The following BMP1 variants were observed in gnomAD, a reference collection of about 807,000 sequenced individuals.
BMP1 encodes bone morphogenetic protein 1, also known as mammalian tolloid protein.
In BMP1, 63 loss-of-function variants were observed where a neutral mutation model predicts 116.8. That is an observed-to-expected ratio of 0.54 (90% CI 0.44 to 0.67). The LOEUF is 0.67. Ranked by LOEUF, BMP1 falls within the 30% of genes least tolerant of loss-of-function variation. The pLI, the probability that BMP1 is intolerant of heterozygous loss-of-function variation, is 0.00. For synonymous variants in BMP1, 536 were observed against 533.4 expected (o/e 1.00, Z -0.07); for missense variants, 1,183 against 1,358.9 (o/e 0.87, Z 2.04).
chr8:22,194,425 C>A lies in BMP1; in HGVS notation c.1298-20C>A, dbSNP rs1434812502. 1.9e-6 allele frequency: 3 copies of A among 1,613,560 alleles called. No homozygotes were observed. In the African/African-American group the frequency reaches 4.0e-5, roughly 22 times the overall value. ...ATGCTGACTCACCACCCCTTCCCAC[C>A]CCATCCTGTGTCCCCACAGCCATCT... On this transcript the variant is annotated intron_variant, in intron 10 of 19. Coordinates refer to ENST00000306385, the MANE Select transcript of BMP1 (RefSeq NM_006129.5). The surrounding 1 kb of genome is among the most constrained non-coding windows in gnomAD (Gnocchi z 4.5).
chr8:22,165,878 C>CGTGGGTGTGTGTGTGTGTGTGT (rs1432185239), intron 1 of BMP1, among the ~76,000 whole-genome samples: 20 of 67,710 alleles, frequency 3.0e-4, no homozygotes, highest in African/African-American at 8.5e-4. Context: ...AACTCCTGTG[C>CGTGGGTGTGTGTGTGTGTGTGT]GTGCGTGTGT....
In BMP1 at chr8:22,195,588, G is replaced by T. The variant is rs757046870; in HGVS notation, c.1765+1G>T. On this transcript the variant is annotated splice_donor_variant, in intron 13 of 19. Transcript: ENST00000306385. LOFTEE classifies it high-confidence loss of function. ...GCCCCAGACAAGCGCCGCTGTGAGGGTGAGTGCCCCCAGACTGCCTCTGAC... is the reference window on the plus strand; with the variant it reads ...GCCCCAGACAAGCGCCGCTGTGAGGTTGAGTGCCCCCAGACTGCCTCTGAC... 2 of 1,611,682 alleles carry T rather than the reference G, an allele frequency of 1.2e-6. No individual in the cohort carries two copies. The highest frequency in any genetic ancestry group is 1.7e-6 in the Non-Finnish European group (2 of 1,179,524).
At position 22,192,093 on chromosome 8, in the gene BMP1, G is replaced by T. The variant is rs1563261526; in HGVS notation, c.1122G>T (p.Leu374=). 6.2e-7 allele frequency: 1 copy of T among 1,613,910 alleles called. No homozygotes were observed. Among genetic ancestry groups the T allele is most frequent in the Non-Finnish European group, 8.5e-7 (1 of 1,179,926 alleles). Reference sequence around the variant, plus strand: ...CCCTGGACCTGTACCGCAGCCGCCTGTGCTGGTACGACTATGTGGAGGTCC... The same window carrying T: ...CCCTGGACCTGTACCGCAGCCGCCTTTGCTGGTACGACTATGTGGAGGTCC... ...FTSLDLYRSR[L]CWYDYVEVRD... Residue 374 remains leucine (L), a synonymous_variant, in exon 9 of 20, where the codon CTG becomes CTT. Coordinates refer to ENST00000306385, the MANE Select transcript of BMP1 (RefSeq NM_006129.5).
chr8:22,176,729 C>A, intron 4 of BMP1, 79 bp downstream of exon 4: 2 of 1,447,342 alleles, frequency 1.4e-6, no homozygotes, highest in Non-Finnish European at 1.9e-6. Context: ...CCACTGCCCC[C>A]AGCTGGGCAC....
At chr8:22,201,261 G>A (rs1829255584) in intron 15 of BMP1, 1 of 1,564,536 alleles carries the variant, frequency 6.4e-7, no homozygotes. Context: ...GGACGGAATG[G>A]GATGGGGGCT....
At chr8:22,206,307 G>A (rs562809035) in intron 16 of BMP1, among the ~76,000 whole-genome samples, 3 of 151,618 alleles carry the variant, frequency 2.0e-5, no homozygotes, top group Admixed American at 2.0e-4. Context: ...TTTGAGACTA[G>A]CCTGGCCAAC....
chr8:22,193,116 G>A (rs1471433998), intron 9 of BMP1, among the ~76,000 whole-genome samples: 3 of 152,150 alleles, frequency 2.0e-5, no homozygotes, highest in African/African-American at 7.2e-5. Context: ...GGGAAACACC[G>A]GCCTTATTAG....
chr8:22,192,775 A>G (rs1353586504), intron 9 of BMP1, among the ~76,000 whole-genome samples: 2 of 152,122 alleles, frequency 1.3e-5, no homozygotes, highest in African/African-American at 4.8e-5. Flanking sequence ...AATTAGGGCA[A>G]AGGGAGGCAG....
At chr8:22,199,918 C>T (rs1378717836) in intron 15 of BMP1, among the ~76,000 whole-genome samples, 1 of 152,170 alleles carries the variant, frequency 6.6e-6, no homozygotes, top group Admixed American at 6.5e-5. Flanking sequence ...CTACCTGATC[C>T]TGGGTTGGAG....
chr8:22,196,919 T>G lies in BMP1; in HGVS notation c.1926+79T>G, dbSNP rs1829109795. On this transcript the variant is annotated intron_variant, in intron 14 of 19. Coordinates refer to ENST00000306385, the MANE Select transcript of BMP1 (RefSeq NM_006129.5). ...TCAGCTCAGTGCCTGCTTCCTGTCC[T>G]CTGAGAGGGGGCCCGGCAGAAACAC... is the stretch of plus-strand genomic sequence containing the variant. The G allele has an allele frequency of 2.0e-6, 3 of 1,487,528 alleles. No homozygotes were observed. The East Asian group carries it at 7.0e-5, about 35-fold the overall frequency. 92.1% of individuals were successfully genotyped at this position (1,487,528 alleles called of 1,614,324 possible).
At position 22,209,677 on chromosome 8, in the gene BMP1, G is replaced by A. The variant is rs961786932; in HGVS notation, c.2808G>A (p.Gly936=). ...ACGACAGCACAGCCCCCAGGCTGGG[G>A]CGCTACTGTGGCTCAGGGGTGAGGC... ...DGYDSTAPRL[G]RYCGSGPPEE... is the part of the protein sequence containing the mutation. Residue 936 remains glycine, a synonymous_variant, in exon 19 of 20, where the codon GGG becomes GGA. Coordinates refer to ENST00000306385, the MANE Select transcript of BMP1 (RefSeq NM_006129.5). The A allele has an allele frequency of 3.7e-6, 6 of 1,613,636 alleles. No individual in the cohort carries two copies. In the Admixed American group the frequency reaches 5.0e-5, roughly 13 times the overall value.
At chr8:22,192,345 G>A in intron 9 of BMP1, 194 bp downstream of exon 9, 3 of 524,512 alleles carry the variant, frequency 5.7e-6, no homozygotes, top group Non-Finnish European at 6.9e-6. Context: ...GGCAAGTCCT[G>A]TCCTCAATCT....
Position 22,207,426 on chromosome 8 carries a change from C to A in BMP1, c.2485C>A (p.Pro829Thr), listed in dbSNP as rs777738785. The change falls in exon 18 of 20, where the codon CCC becomes ACC. Residue 829 changes from proline (P) to threonine (T), a missense_variant. Coordinates refer to ENST00000306385, the MANE Select transcript of BMP1 (RefSeq NM_006129.5). ...GRFCGSKKPEPVLATGSRMFL... is the reference protein window; with the variant it reads ...GRFCGSKKPETVLATGSRMFL... ...CTTCTGTGGGAGCAAGAAGCCCGAG[C>A]CCGTCCTGGCCACAGGCAGCCGCAT... The A allele has an allele frequency of 1.5e-5, 25 of 1,614,094 alleles. No individual in the cohort carries two copies. The highest frequency in any genetic ancestry group is 1.2e-4 in the South Asian group (11 of 91,078).
intron 19 of BMP1, 132 bp downstream of exon 19, chr8:22,209,827 CCT>C: frequency 1.0e-6 from 1 of 1,003,828 alleles, no homozygotes; most frequent in Non-Finnish European, 1.4e-6. Context: ...CGCGTGTGGC[CCT>C]GTGTGGGAGC....
At chr8:22,177,334 T>A (rs994036965) in intron 5 of BMP1, among the ~76,000 whole-genome samples, 195 bp downstream of exon 5, 1 of 152,162 alleles carries the variant, frequency 6.6e-6, no homozygotes, top group Non-Finnish European at 1.5e-5. Flanking sequence ...AGGACCCGCA[T>A]CCATTGTGGA....
chr8:22,196,256 A>C, intron 13 of BMP1: 1 of 533,408 alleles, frequency 1.9e-6, no homozygotes, highest in Non-Finnish European at 3.7e-6. Context: ...CATGGTCCCG[A>C]GATGCTGGGG....
rs748570715 is a variant in BMP1, at chr8:22,176,644, C to T, written c.545C>T (p.Pro182Leu). ...EDSYIVFTYR[P>L]CGCCSYVGRR... Reference sequence around the variant, plus strand: ...AGCTATATTGTGTTCACCTATCGACCTTGCGGGTGAGCAGGAAGCCCTAGG... The same window carrying T: ...AGCTATATTGTGTTCACCTATCGACTTTGCGGGTGAGCAGGAAGCCCTAGG... Residue 182 changes from proline to leucine, a missense_variant, in exon 4 of 20, where the codon CCT (proline) becomes CTT (leucine). Physicochemically the swap from Pro to Leu is moderately conservative, Grantham distance 98. Around this residue, in one of 4 missense-constraint regions of BMP1, gnomAD observed 956 missense variants for 1,135.2 expected, o/e 0.84. Coordinates refer to ENST00000306385, the MANE Select transcript of BMP1 (RefSeq NM_006129.5). 1.2e-6 allele frequency: 2 copies of T among 1,613,980 alleles called. No homozygotes were observed. Among genetic ancestry groups the T allele is most frequent in the African/African-American group, 1.3e-5 (1 of 74,924 alleles).
chr8:22,173,061 T>A (rs1828327104), intron 1 of BMP1, among the ~76,000 whole-genome samples: 1 of 152,216 alleles, frequency 6.6e-6, no homozygotes. Flanking sequence ...TTTACTTGCA[T>A]ATTATGGAAG....
intron 13 of BMP1, among the ~76,000 whole-genome samples, chr8:22,195,953 T>C (rs936789833): frequency 4.6e-5 from 7 of 152,166 alleles, no homozygotes; most frequent in Admixed American, 3.9e-4. Flanking sequence ...AGATTTCTTA[T>C]GCCCTTGGAC....
Sources: allele counts gnomAD v4.1 joint callset (sites outside exome capture counted in the v4.1 genomes callset), GRCh38; gene constraint gnomAD v4.1.1; regional missense constraint gnomAD v4.1.1; non-coding constraint Gnocchi (gnomAD v3.1); transcripts MANE v1.5; gene names NCBI Gene and HGNC (gene_info 2026-07-23, HGNC 2026-07-21).